Variants in KANK1 observed in about 807,000 individuals in gnomAD.
KANK1 encodes the protein KN motif and ankyrin repeat domains 1, also known as KN motif and ankyrin repeat domain-containing protein 1.
KANK1 carries 109 observed loss-of-function variants against 106.2 expected under a neutral mutation model. The ratio of observed to expected loss-of-function variants is 1.03; its 90% CI spans 0.88 to 1.20. The LOEUF is 1.20. KANK1 is among the 50% of genes most tolerant of loss of function. KANK1 has a pLI of 0.00. For missense variants in KANK1, 2,399 were observed against 1,710.7 expected (o/e 1.40, Z -7.10); for synonymous variants, 873 against 652.2 (o/e 1.34, Z -5.16).
At chr9:617,438 ACGGGTTTATC>A (rs1315779585) in intron 1 of KANK1, among the ~76,000 whole-genome samples, 2 of 152,192 alleles carry the variant, frequency 1.3e-5, no homozygotes, top group Non-Finnish European at 2.9e-5. Flanking sequence ...TCATGTTCAC[ACGGGTTTATC>A]TGTTTAGTCT....
At position 732,533 on chromosome 9, in the gene KANK1, A is replaced by T. The variant is rs1832599647; in HGVS notation, c.3161A>T (p.Asn1054Ile). ...ATGGCAGAAGGGCACCATGCAGTTA[A>T]TATTGAAGGTTTGAAGTCTGCCAGG... ...RGMAEGHHAV[N>I]IEGLKSARVE... The change falls in exon 6 of 12, where the codon AAT (asparagine) becomes ATT (isoleucine). Residue 1054 changes from asparagine to isoleucine, a missense_variant. By Grantham distance (149) the Asn-to-Ile change is moderately radical. Transcript: ENST00000382297. The T allele has an allele frequency of 6.2e-7, 1 of 1,614,058 alleles. No individual in the cohort carries two copies. Among genetic ancestry groups the T allele is most frequent in the African/African-American group, 1.3e-5 (1 of 74,920 alleles).
In KANK1 at chr9:738,294, C is replaced by T; in HGVS notation, c.3343C>T (p.Leu1115=). The T allele has an allele frequency of 6.2e-7, 1 of 1,612,138 alleles. No individual in the cohort carries two copies. The highest frequency in any genetic ancestry group is 8.5e-7 in the Non-Finnish European group (1 of 1,179,140). The change falls in exon 8 of 12, where the codon CTG becomes TTG. Residue 1115 remains leucine (L), a synonymous_variant. Coordinates refer to ENST00000382297, the MANE Select transcript of KANK1 (RefSeq NM_015158.5). ...CTTGGTGTTTTGGCAGAGGTTCTGT[C>T]TGAACACCCTCCAGCACGAGTGGTT... ...ALTSKDMRFC[L]NTLQHEWFRV...
intron 3 of KANK1, among the ~76,000 whole-genome samples, chr9:484,084 C>G (rs1168655666): frequency 6.6e-6 from 1 of 152,222 alleles, no homozygotes; most frequent in East Asian, 1.9e-4. Context: ...TTTAGAGATT[C>G]AGGTCAGTGG....
chr9:632,775 C>A (rs1344577981), intron 1 of KANK1, among the ~76,000 whole-genome samples: 2 of 150,310 alleles, frequency 1.3e-5, no homozygotes, highest in Non-Finnish European at 3.0e-5. Flanking sequence ...CTGCAGCCTA[C>A]ACCTCCTGGG....
intron 1 of KANK1, among the ~76,000 whole-genome samples, chr9:583,978 C>T (rs1348703529): frequency 1.3e-5 from 2 of 151,992 alleles, no homozygotes; most frequent in Admixed American, 6.6e-5. Flanking sequence ...TGTCATGTGC[C>T]ACTGGGTCAA....
chr9:590,515 A>G (rs113076408), intron 1 of KANK1, among the ~76,000 whole-genome samples: 13 of 152,276 alleles, frequency 8.5e-5, no homozygotes, highest in African/African-American at 2.6e-4. Context: ...ATGCATTATT[A>G]TTAGAGACTT....
chr9:484,767 C>A (rs1211977390), intron 3 of KANK1, among the ~76,000 whole-genome samples: 1 of 152,314 alleles, frequency 6.6e-6, no homozygotes, highest in South Asian at 2.1e-4. Context: ...ACATCTGTGG[C>A]CTGCAGTGGC....
chr9:607,464 G>A lies in KANK1; in HGVS notation c.-83-69426G>A, dbSNP rs149238523. 5.3e-3 allele frequency among the ~76,000 whole-genome samples: 655 copies of A among 124,544 alleles called. 21 individuals carry two copies. The highest frequency in any genetic ancestry group is 0.019 in the African/African-American group (608 of 31,866). 81.7% of individuals were successfully genotyped at this position (124,544 alleles called of 152,430 possible). On this transcript the variant is annotated intron_variant, in intron 1 of 11. Transcript: ENST00000382297. ...CGTGCCATTGCACTCCAGCCTGGGC[G>A]TTACAGCAAGACTCCATCTCAAAAA...
intron 1 of KANK1, among the ~76,000 whole-genome samples, chr9:633,490 T>C (rs1836316247): frequency 6.6e-6 from 1 of 152,052 alleles, no homozygotes; most frequent in African/African-American, 2.4e-5. Flanking sequence ...AACACCTTTT[T>C]TTGTCTTGCC....
chr9:536,009 A>G (rs985895615), intron 1 of KANK1, among the ~76,000 whole-genome samples: 15 of 152,132 alleles, frequency 9.9e-5, no homozygotes, highest in African/African-American at 3.1e-4. Context: ...TTAGTTTTCT[A>G]TTCCTGCTGT....
chr9:687,257 C>G (rs1818794811), intron 2 of KANK1, among the ~76,000 whole-genome samples: 3 of 152,046 alleles, frequency 2.0e-5, no homozygotes, highest in African/African-American at 4.8e-5. Context: ...TCCTTCTTTG[C>G]CTTTTTCTCC....
chr9:635,408 C>G (rs1490944660), intron 1 of KANK1, among the ~76,000 whole-genome samples: 2 of 152,180 alleles, frequency 1.3e-5, no homozygotes, highest in African/African-American at 2.4e-5. Flanking sequence ...CTGCGCTGCT[C>G]TCTATTCCTT....
intron 1 of KANK1, among the ~76,000 whole-genome samples, chr9:628,037 A>C (rs10815369): frequency 6.6e-6 from 1 of 151,986 alleles, no homozygotes; most frequent in South Asian, 2.1e-4. Flanking sequence ...TATTGGCACA[A>C]TGCTTTTACA....
intron 1 of KANK1, among the ~76,000 whole-genome samples, chr9:599,840 C>T (rs1203224299): frequency 6.6e-6 from 1 of 151,802 alleles, no homozygotes; most frequent in African/African-American, 2.4e-5. Context: ...GTCATGGAAC[C>T]AGTCCTCCTT....
intron 3 of KANK1, among the ~76,000 whole-genome samples, chr9:494,001 G>A (rs2058419778): frequency 6.6e-6 from 1 of 151,950 alleles, no homozygotes; most frequent in Admixed American, 6.6e-5. Context: ...TCCTGCCTCA[G>A]CCTCCTGAGT....
chr9:741,695 G>T (rs1222569160), intron 9 of KANK1, among the ~76,000 whole-genome samples: 1 of 151,972 alleles, frequency 6.6e-6, no homozygotes, highest in Non-Finnish European at 1.5e-5. Context: ...CACCGTGTTA[G>T]CCAGGATGGT....
chr9:646,976 G>T (rs1008831262), intron 1 of KANK1, among the ~76,000 whole-genome samples: 9 of 150,974 alleles, frequency 6.0e-5, no homozygotes, highest in Middle Eastern at 3.4e-3. Flanking sequence ...GGGATTACCG[G>T]CGTGAGCTAC....
chr9:615,297 T>C (rs1354635650), intron 1 of KANK1, among the ~76,000 whole-genome samples: 1 of 152,222 alleles, frequency 6.6e-6, no homozygotes, highest in Non-Finnish European at 1.5e-5. Flanking sequence ...TATTTGAAAC[T>C]GTTAATAGAC....
intron 1 of KANK1, among the ~76,000 whole-genome samples, chr9:634,379 G>C (rs1039654601): frequency 6.6e-6 from 1 of 152,058 alleles, no homozygotes; most frequent in African/African-American, 2.4e-5. Flanking sequence ...CTCCCGGTGG[G>C]GTCACTCGGT....
Sources: allele counts gnomAD v4.1 joint callset (sites outside exome capture counted in the v4.1 genomes callset), GRCh38; gene constraint gnomAD v4.1.1; transcripts MANE v1.5; gene names NCBI Gene and HGNC (gene_info 2026-07-23, HGNC 2026-07-21).